Variants in PTPRM observed in about 807,000 individuals in gnomAD.
PTPRM encodes protein tyrosine phosphatase receptor type M, also known as receptor-type tyrosine-protein phosphatase mu.
In PTPRM, 47 loss-of-function variants were observed where a neutral mutation model predicts 186.7. The ratio of observed to expected loss-of-function variants is 0.25; its 90% CI spans 0.20 to 0.32. PTPRM has a LOEUF of 0.32. Among genes scored for constraint, PTPRM ranks in the 10% least tolerant of loss-of-function variants. The probability of loss-of-function intolerance (pLI) is 1.00; values close to 1 mark genes in which losing one functional copy is unlikely to be tolerated. For synonymous variants in PTPRM, 668 were observed against 674.9 expected (o/e 0.99, Z 0.16); for missense variants, 1,494 against 1,865.0 (o/e 0.80, Z 3.66).
chr18:7,592,301 A>G (rs16952176), intron 1 of PTPRM, among the ~76,000 whole-genome samples: 5,077 of 152,264 alleles, frequency 0.033, 445 homozygotes, highest in East Asian at 0.29. Context: ...GGGAGCTAGG[A>G]GAGTAAAAAT....
chr18:7,588,198 C>T (rs1049608287), intron 1 of PTPRM, among the ~76,000 whole-genome samples: 5 of 152,028 alleles, frequency 3.3e-5, no homozygotes, highest in East Asian at 1.9e-4. Flanking sequence ...TACTGAACTC[C>T]GGCATTTGAC....
At chr18:8,294,502 C>T (rs2095074336) in intron 19 of PTPRM, among the ~76,000 whole-genome samples, 1 of 152,028 alleles carries the variant, frequency 6.6e-6, no homozygotes, top group South Asian at 2.1e-4. Context: ...TGGAGGTAAC[C>T]ACCCCCATGA....
chr18:8,145,608 T>C (rs949315826), intron 14 of PTPRM, among the ~76,000 whole-genome samples: 4 of 152,186 alleles, frequency 2.6e-5, no homozygotes, highest in Non-Finnish European at 5.9e-5. Context: ...TTGCTGAGAA[T>C]GATGGTTTCC....
In PTPRM at chr18:8,126,012, TATATATATATATATA is replaced by T. The variant is rs1223649305; in HGVS notation, c.2167+11186_2167+11200del. Among the ~76,000 whole-genome samples, 35 of 25,106 alleles carry T rather than the reference TATATATATATATATA, an allele frequency of 1.4e-3. 2 individuals are homozygous for T. In the Middle Eastern group the frequency reaches 0.045, roughly 33 times the overall value. 16.5% of individuals were successfully genotyped at this position (25,106 alleles called of 152,430 possible). ...ATATATATATATATATATATATATA[TATATATATATATATA>T]TTTTAAATCAGTAGACCTTTCCATT... is the stretch of plus-strand genomic sequence containing the variant. On this transcript the variant is annotated intron_variant, in intron 13 of 32. Transcript: ENST00000580170.
chr18:8,007,973 T>C (rs1364085196), intron 7 of PTPRM, among the ~76,000 whole-genome samples: 1 of 152,208 alleles, frequency 6.6e-6, no homozygotes, highest in Non-Finnish European at 1.5e-5. Context: ...GCCTTCCCGC[T>C]TGTGGTGCTG....
chr18:8,011,857 G>GA (rs1165065152), intron 7 of PTPRM, among the ~76,000 whole-genome samples: 2 of 152,114 alleles, frequency 1.3e-5, no homozygotes, highest in Admixed American at 1.3e-4. Flanking sequence ...CCTTCACCTT[G>GA]AAAAGGAAAA....
chr18:7,897,570 T>C lies in PTPRM; in HGVS notation c.469-8935T>C, dbSNP rs28506105. 8.5e-3 allele frequency among the ~76,000 whole-genome samples: 1,289 copies of C among 152,348 alleles called. 15 individuals carry two copies. Among genetic ancestry groups the C allele is most frequent in the African/African-American group, 0.029 (1,209 of 41,576 alleles). On this transcript the variant is annotated intron_variant, in intron 3 of 32. Transcript: ENST00000580170. Reference sequence around the variant, plus strand: ...TCAGTTTAATATTGACTTAGAACTGTATTTAGGAAGTAGAACAATTTGCGT... The same window carrying C: ...TCAGTTTAATATTGACTTAGAACTGCATTTAGGAAGTAGAACAATTTGCGT...
At chr18:7,829,893 G>T (rs1331874433) in intron 2 of PTPRM, among the ~76,000 whole-genome samples, 7 of 151,898 alleles carry the variant, frequency 4.6e-5, no homozygotes, top group African/African-American at 1.7e-4. Flanking sequence ...GTGTGTGTCA[G>T]ACATTTCAAT....
At chr18:7,764,580 G>A (rs2041932998) in intron 1 of PTPRM, among the ~76,000 whole-genome samples, 1 of 152,146 alleles carries the variant, frequency 6.6e-6, no homozygotes, top group Non-Finnish European at 1.5e-5. Context: ...GTGCATTGGA[G>A]CCACCTGGAG....
At chr18:8,384,932 GGGACCCCTGTCACA>G (rs2095762224) in intron 30 of PTPRM, among the ~76,000 whole-genome samples, 1 of 152,206 alleles carries the variant, frequency 6.6e-6, no homozygotes. Flanking sequence ...GATAGGTGCA[GGGACCCCTGTCACA>G]GGACCTTGCA....
chr18:7,851,699 A>G (rs2046868515), intron 2 of PTPRM, among the ~76,000 whole-genome samples: 1 of 152,186 alleles, frequency 6.6e-6, no homozygotes, highest in Non-Finnish European at 1.5e-5. Context: ...GGAAACACTA[A>G]AAGGAGTTCT....
At chr18:8,257,888 G>A (rs546552573) in intron 19 of PTPRM, among the ~76,000 whole-genome samples, 1 of 152,186 alleles carries the variant, frequency 6.6e-6, no homozygotes, top group South Asian at 2.1e-4. Flanking sequence ...ACACCAGAAG[G>A]ATTCATTACT....
intron 2 of PTPRM, among the ~76,000 whole-genome samples, chr18:7,804,452 C>T (rs540275547): frequency 1.3e-5 from 2 of 152,164 alleles, no homozygotes; most frequent in African/African-American, 2.4e-5. Context: ...TTTTGAGAGC[C>T]GGGCTCTGAG....
intron 2 of PTPRM, among the ~76,000 whole-genome samples, chr18:7,803,541 G>C (rs1008637460): frequency 1.3e-5 from 2 of 152,148 alleles, no homozygotes; most frequent in Non-Finnish European, 2.9e-5. Context: ...TGGGGATTAA[G>C]ACACGGACAT....
At chr18:7,793,872 C>A (rs1486052777) in intron 2 of PTPRM, among the ~76,000 whole-genome samples, 1 of 151,932 alleles carries the variant, frequency 6.6e-6, no homozygotes, top group East Asian at 1.9e-4. Flanking sequence ...AGCTGGACAT[C>A]GAGGGGAAAA....
At chr18:8,151,255 G>A (rs780347685) in intron 14 of PTPRM, among the ~76,000 whole-genome samples, 11 of 151,680 alleles carry the variant, frequency 7.3e-5, no homozygotes, top group Middle Eastern at 3.2e-3. Context: ...CAGGTGCTTC[G>A]TCCCAGGGAG....
At chr18:7,829,381 T>C (rs11081345) in intron 2 of PTPRM, among the ~76,000 whole-genome samples, 79,759 of 152,034 alleles carry the variant, frequency 0.52, 22,679 homozygotes, top group East Asian at 0.78. Context: ...AAAATACTGT[T>C]ACATTCTATC....
intron 1 of PTPRM, among the ~76,000 whole-genome samples, chr18:7,656,227 T>C (rs2038844505): frequency 6.6e-6 from 1 of 151,898 alleles, no homozygotes; most frequent in Admixed American, 6.5e-5. Flanking sequence ...GTATATTCCT[T>C]TGATGTAATA....
At chr18:8,379,643 G>T (rs1934842619) in intron 28 of PTPRM, among the ~76,000 whole-genome samples, 1 of 152,100 alleles carries the variant, frequency 6.6e-6, no homozygotes, top group African/African-American at 2.4e-5. Flanking sequence ...CAGGAAAATG[G>T]GTTAATAGAT....
Sources: allele counts gnomAD v4.1 joint callset (sites outside exome capture counted in the v4.1 genomes callset), GRCh38; gene constraint gnomAD v4.1.1; transcripts MANE v1.5; gene names NCBI Gene and HGNC (gene_info 2026-07-23, HGNC 2026-07-21).